The following ARHGAP15 variants were observed in gnomAD, a reference collection of about 807,000 sequenced individuals.
The protein encoded by ARHGAP15 is rho GTPase-activating protein 15.
In ARHGAP15, 51 loss-of-function variants were observed where a neutral mutation model predicts 63.7. The ratio of observed to expected loss-of-function variants is 0.80; its 90% CI spans 0.64 to 1.01. The LOEUF (loss-of-function observed/expected upper bound fraction) is 1.01, where lower values mean the gene tolerates loss of function less well. Ranked by LOEUF, ARHGAP15 falls within the 50% of genes least tolerant of loss-of-function variation. The pLI is 0.00. For synonymous variants in ARHGAP15, 191 were observed against 193.8 expected, an observed-to-expected ratio of 0.99 and a Z score of 0.12; for missense variants, 560 against 564.6, an observed-to-expected ratio of 0.99 and a Z score of 0.08.
chr2:143,265,645 A>AT (rs1348758431), intron 6 of ARHGAP15, among the ~76,000 whole-genome samples: 1 of 152,136 alleles, frequency 6.6e-6, no homozygotes, highest in Non-Finnish European at 1.5e-5. Flanking sequence ...TGTTATTATT[A>AT]TTTTGGAGAG....
rs560277218 is a variant in ARHGAP15, at chr2:143,729,121, C to A, written c.1244+25597C>A. Among the ~76,000 whole-genome samples the A allele has an allele frequency of 2.6e-5, 4 of 152,190 alleles. No homozygotes were observed. In the East Asian group the frequency reaches 5.8e-4, roughly 22 times the overall value. On this transcript the variant is annotated intron_variant, in intron 13 of 13. Transcript: ENST00000295095. ...GCAATTTAGGTCTGAGTTACCCCTG[C>A]GGCTCACATACCTGAGAAAAGAGCC...
At chr2:143,498,341 T>C (rs1692911056) in intron 9 of ARHGAP15, among the ~76,000 whole-genome samples, 1 of 152,178 alleles carries the variant, frequency 6.6e-6, no homozygotes, top group East Asian at 1.9e-4. Context: ...CTGCATTTTC[T>C]ATTCTTCTCT....
intron 2 of ARHGAP15, among the ~76,000 whole-genome samples, chr2:143,180,166 A>T (rs1691179953): frequency 6.6e-6 from 1 of 152,164 alleles, no homozygotes; most frequent in Non-Finnish European, 1.5e-5. Flanking sequence ...ACAGCATTTT[A>T]CCTACAGTAG....
chr2:143,343,153 G>T (rs995529095), intron 6 of ARHGAP15, among the ~76,000 whole-genome samples: 10 of 152,038 alleles, frequency 6.6e-5, no homozygotes, highest in Non-Finnish European at 1.3e-4. Flanking sequence ...TAGCACGAAT[G>T]ATAAACCCCG....
At chr2:143,639,861 C>T (rs952306012) in intron 12 of ARHGAP15, among the ~76,000 whole-genome samples, 1 of 152,054 alleles carries the variant, frequency 6.6e-6, no homozygotes, top group Non-Finnish European at 1.5e-5. Context: ...CAGTGGTATT[C>T]CACTTTTTAA....
At chr2:143,182,165 G>A (rs1180137619) in intron 2 of ARHGAP15, among the ~76,000 whole-genome samples, 2 of 152,080 alleles carry the variant, frequency 1.3e-5, no homozygotes, top group Non-Finnish European at 1.5e-5. Flanking sequence ...GTTTTGCCAT[G>A]TTGGCCAGGC....
chr2:143,547,913 A>T (rs1031034090), intron 10 of ARHGAP15, among the ~76,000 whole-genome samples: 2 of 152,074 alleles, frequency 1.3e-5, no homozygotes, highest in Non-Finnish European at 2.9e-5. Flanking sequence ...TCTCCCTACC[A>T]TCCCCCCACC....
chr2:143,339,987 T>G (rs1162877837), intron 6 of ARHGAP15, among the ~76,000 whole-genome samples: 2 of 152,204 alleles, frequency 1.3e-5, no homozygotes, highest in Non-Finnish European at 2.9e-5. Flanking sequence ...TCTTGATTTC[T>G]AAACGTCTCA....
intron 11 of ARHGAP15, among the ~76,000 whole-genome samples, chr2:143,619,623 ATGTTGAATTG>A (rs1698580098): frequency 6.6e-6 from 1 of 152,160 alleles, no homozygotes; most frequent in South Asian, 2.1e-4. Flanking sequence ...CCCAGATGTC[ATGTTGAATTG>A]TGTTGAATTG....
intron 10 of ARHGAP15, among the ~76,000 whole-genome samples, chr2:143,535,972 A>G (rs550644053): frequency 2.0e-5 from 3 of 152,272 alleles, no homozygotes; most frequent in Middle Eastern, 3.4e-3. Flanking sequence ...TACAACATGA[A>G]GTTTTAAAGT....
chr2:143,572,564 T>A (rs1238736150), intron 11 of ARHGAP15, among the ~76,000 whole-genome samples: 1 of 152,154 alleles, frequency 6.6e-6, no homozygotes, highest in Non-Finnish European at 1.5e-5. Flanking sequence ...AGACGTCATA[T>A]AATCAGGTAA....
intron 6 of ARHGAP15, among the ~76,000 whole-genome samples, chr2:143,348,555 G>A (rs747955232): frequency 1.3e-5 from 2 of 152,114 alleles, no homozygotes; most frequent in Non-Finnish European, 2.9e-5. Flanking sequence ...AGAGGTTAGA[G>A]TGCTTTCTGA....
intron 6 of ARHGAP15, among the ~76,000 whole-genome samples, chr2:143,280,898 A>G (rs1681809321): frequency 6.6e-6 from 1 of 152,142 alleles, no homozygotes; most frequent in Admixed American, 6.5e-5. Flanking sequence ...TTTAGATACA[A>G]AGAGATGACA....
At chr2:143,711,305 A>T (rs1339998098) in intron 13 of ARHGAP15, among the ~76,000 whole-genome samples, 1 of 152,224 alleles carries the variant, frequency 6.6e-6, no homozygotes. Flanking sequence ...ATTATAATAA[A>T]CATGATGCAA....
At chr2:143,613,959 C>G (rs1216442611) in intron 11 of ARHGAP15, among the ~76,000 whole-genome samples, 1 of 152,094 alleles carries the variant, frequency 6.6e-6, no homozygotes, top group African/African-American at 2.4e-5. Context: ...TCATGCTGTA[C>G]CTTCTGCCTT....
chr2:143,736,827 A>G (rs1201622336), intron 13 of ARHGAP15, among the ~76,000 whole-genome samples: 2 of 152,266 alleles, frequency 1.3e-5, no homozygotes, highest in Non-Finnish European at 2.9e-5. Flanking sequence ...AAAGAAAGCA[A>G]CATTTCAAAA....
intron 6 of ARHGAP15, among the ~76,000 whole-genome samples, chr2:143,279,580 A>G (rs1262048521): frequency 3.3e-5 from 5 of 152,144 alleles, no homozygotes; most frequent in Non-Finnish European, 5.9e-5. Flanking sequence ...AATAGTTTAT[A>G]TTTAAATATT....
chr2:143,623,129 C>T lies in ARHGAP15; in HGVS notation c.1004-1004C>T, dbSNP rs1048742889. On this transcript the variant is annotated intron_variant, in intron 11 of 13. Coordinates refer to ENST00000295095, the MANE Select transcript of ARHGAP15 (RefSeq NM_018460.4). ...AATCCAAAACCTTTTCCATGTTGCACGTTTAGAAAGACAAATCGTCTGGCT... is the reference window on the plus strand; with the variant it reads ...AATCCAAAACCTTTTCCATGTTGCATGTTTAGAAAGACAAATCGTCTGGCT... 2.6e-5 allele frequency among the ~76,000 whole-genome samples: 4 copies of T among 152,156 alleles called. No homozygotes were observed. In the South Asian group the frequency reaches 6.2e-4, roughly 24 times the overall value.
intron 8 of ARHGAP15, among the ~76,000 whole-genome samples, chr2:143,475,821 G>A (rs1285353183): frequency 1.3e-5 from 2 of 152,202 alleles, no homozygotes; most frequent in African/African-American, 4.8e-5. Flanking sequence ...AGTAAACTTG[G>A]AACTCTGCAG....
Sources: allele counts gnomAD v4.1 joint callset (sites outside exome capture counted in the v4.1 genomes callset), GRCh38; gene constraint gnomAD v4.1.1; transcripts MANE v1.5; gene names NCBI Gene and HGNC (gene_info 2026-07-23, HGNC 2026-07-21).